KDM5B: variants seen among roughly 807,000 people sequenced by gnomAD.
KDM5B encodes the protein lysine demethylase 5B, also known as lysine-specific demethylase 5B.
In KDM5B, 144 loss-of-function variants were observed where a neutral mutation model predicts 193.4. The observed-to-expected ratio is 0.74, with a 90% CI of 0.65 to 0.86. KDM5B has a LOEUF of 0.86. KDM5B is among the 40% of genes least tolerant of loss of function. The probability of loss-of-function intolerance (pLI) is 0.00; values close to 1 mark genes in which losing one functional copy is unlikely to be tolerated. For synonymous variants in KDM5B, 668 were observed against 682.6 expected (o/e 0.98, Z 0.33); for missense variants, 1,833 against 1,886.9 (o/e 0.97, Z 0.53).
chr1:202,785,570 G>A (rs1657375534), intron 1 of KDM5B, among the ~76,000 whole-genome samples: 1 of 143,216 alleles, frequency 7.0e-6, no homozygotes, highest in African/African-American at 2.5e-5. Context: ...AAATAATACA[G>A]GTAGAACCCT....
At chr1:202,791,047 T>G (rs961704885) in intron 1 of KDM5B, among the ~76,000 whole-genome samples, 22 of 152,338 alleles carry the variant, frequency 1.4e-4, no homozygotes, top group Admixed American at 4.6e-4. Context: ...TACATAGGCA[T>G]GCTCAATTTA....
rs1319658980 is a variant in KDM5B at position 202,724,675 on chromosome 1, A to G, written c.*4361T>C. On this transcript the variant is annotated 3_prime_UTR_variant, in exon 27 of 27. Transcript: ENST00000367265. ...AGGTTAAATATATCTTTCTCATCCA[A>G]TAATTTAACTTTTTTATTAACTGTT... is the stretch of plus-strand genomic sequence containing the variant. The G allele has an allele frequency of 6.6e-6, 1 of 152,202 alleles. No individual in the cohort carries two copies. The highest frequency in any genetic ancestry group is 1.5e-5 in the Non-Finnish European group (1 of 68,040). 9.4% of individuals were successfully genotyped at this position (152,202 alleles called of 1,614,324 possible). A position where few individuals can be genotyped will look rare whatever the true frequency, so the allele number is the denominator to read the frequency against.
At position 202,724,746 on chromosome 1, in the gene KDM5B, TTGTGTGTGTGTG is replaced by T. The variant is rs61270918; in HGVS notation, c.*4278_*4289del. 1.3e-5 allele frequency: 2 copies of T among 150,656 alleles called. No homozygotes were observed. The highest frequency in any genetic ancestry group is 4.8e-5 in the African/African-American group (2 of 41,268). The allele number at this position is 150,656 out of a possible 1,614,324, so 9.3% of individuals were successfully genotyped here. ...ACACAGAAGGGGCTTGTGTGTGTGT[TTGTGTGTGTGTG>T]TGTGTTCACAGCAGAATCACAGTCA... On this transcript the variant is annotated 3_prime_UTR_variant, in exon 27 of 27. Coordinates refer to ENST00000367265, the MANE Select transcript of KDM5B (RefSeq NM_006618.5).
chr1:202,735,905 A>G (rs1655074874), intron 21 of KDM5B, among the ~76,000 whole-genome samples: 1 of 152,216 alleles, frequency 6.6e-6, no homozygotes, highest in East Asian at 1.9e-4. Context: ...AATGGGGGAG[A>G]TCATTTATCA....
Position 202,728,907 on chromosome 1 carries a change from A to C in KDM5B, c.*129T>G. The C allele has an allele frequency of 9.8e-7, 1 of 1,023,148 alleles. No homozygotes were observed. The highest frequency in any genetic ancestry group is 1.4e-6 in the Non-Finnish European group (1 of 704,580). The allele number at this position is 1,023,148 out of a possible 1,614,324, so 63.4% of individuals were successfully genotyped here. A position where few individuals can be genotyped will look rare whatever the true frequency, so the allele number is the denominator to read the frequency against. On this transcript the variant is annotated 3_prime_UTR_variant, in exon 27 of 27. Transcript: ENST00000367265. The stretch of plus-strand genomic sequence containing the variant: ...AGAGTCCTGGAAAAATGATCCCATA[A>C]GGAATAGAAATAGCACCGTTTACAG...
intron 1 of KDM5B, among the ~76,000 whole-genome samples, chr1:202,783,512 C>A (rs958677847): frequency 6.6e-6 from 1 of 151,020 alleles, no homozygotes; most frequent in African/African-American, 2.4e-5. Flanking sequence ...CAAAAAAAAA[C>A]AAAAACAAAC....
chr1:202,758,303 T>C (rs1009869579), intron 9 of KDM5B, 88 bp downstream of exon 9: 13 of 1,057,458 alleles, frequency 1.2e-5, no homozygotes, highest in African/African-American at 1.6e-5. Context: ...CCTACTAGAG[T>C]GAGGCCTCAA....
Position 202,742,687 on chromosome 1 carries a change from C to A in KDM5B, c.2442G>T (p.Ala814=). The change falls in exon 17 of 27, where the codon GCG becomes GCT. Residue 814 remains alanine (A), a synonymous_variant. Coordinates refer to ENST00000367265, the MANE Select transcript of KDM5B (RefSeq NM_006618.5). ...GCCTTTTGCCATTAAGCAACTGCTG[C>A]GCAACAGAGGCACACTTCTCTGCAT... is the stretch of plus-strand genomic sequence containing the variant. The part of the protein sequence containing the change: ...TQDAEKCASV[A]QQLLNGKRQT... 3 of 1,614,002 alleles carry A rather than the reference C, an allele frequency of 1.9e-6. No individual in the cohort carries two copies. The highest frequency in any genetic ancestry group is 1.7e-6 in the Non-Finnish European group (2 of 1,180,022).
chr1:202,793,002 CAAAA>C (rs35356889), intron 1 of KDM5B, among the ~76,000 whole-genome samples: 4 of 111,916 alleles, frequency 3.6e-5, no homozygotes, highest in Admixed American at 8.5e-5. Context: ...GACTCCCTCT[CAAAA>C]AAAAAAAAAA....
At position 202,773,102 on chromosome 1, in the gene KDM5B, T is replaced by A; in HGVS notation, c.576+16A>T. The A allele has an allele frequency of 6.3e-7, 1 of 1,578,604 alleles. No homozygotes were observed. The highest frequency in any genetic ancestry group is 8.7e-7 in the Non-Finnish European group (1 of 1,150,104). Reference sequence around the variant, plus strand: ...GTAGTAAGATAAAACAGGTTAAGGCTAGCCCCCAAACTTACCCTTAGGCTG... The same window carrying A: ...GTAGTAAGATAAAACAGGTTAAGGCAAGCCCCCAAACTTACCCTTAGGCTG... On this transcript the variant is annotated intron_variant, in intron 4 of 26. Coordinates refer to ENST00000367265, the MANE Select transcript of KDM5B (RefSeq NM_006618.5).
At chr1:202,740,867 T>G in intron 19 of KDM5B, 55 bp from the exon 20 acceptor site, 1 of 1,523,812 alleles carries the variant, frequency 6.6e-7, no homozygotes, top group Non-Finnish European at 8.9e-7. Flanking sequence ...TCATTTTTCT[T>G]ATGGTTACCA....
intron 7 of KDM5B, among the ~76,000 whole-genome samples, 160 bp downstream of exon 7, chr1:202,762,539 A>G (rs1656293273): frequency 6.6e-6 from 1 of 152,214 alleles, no homozygotes; most frequent in Non-Finnish European, 1.5e-5. Flanking sequence ...AACTAACACT[A>G]TAAACTGACT....
rs1450006803 is a variant in KDM5B, at chr1:202,756,365, T to G, written c.1349A>C (p.Glu450Ala). 3 of 1,607,864 alleles carry G rather than the reference T, an allele frequency of 1.9e-6. No homozygotes were observed. Residue 450 changes from glutamate to alanine, a missense_variant, in exon 10 of 27, where the codon GAG becomes GCG. Around this residue, in one of 3 missense-constraint regions of KDM5B, gnomAD observed 1,379 missense variants for 1,349.6 expected, o/e 1.02. Coordinates refer to ENST00000367265, the MANE Select transcript of KDM5B (RefSeq NM_006618.5). ...AGCCACTTATATGCCTACCTCTTCC[T>G]CAGGTGAGAGTTTGATTTTCCCATC... is the stretch of plus-strand genomic sequence containing the variant. The part of the protein sequence containing the change: ...VRDGKIKLSP[E>A]EEEYLDSGWN...
In KDM5B at chr1:202,727,596, A is replaced by T. The variant is rs1654718954; in HGVS notation, c.*1440T>A. The T allele has an allele frequency of 2.0e-5, 3 of 152,704 alleles. No individual in the cohort carries two copies. The highest frequency in any genetic ancestry group is 7.2e-5 in the African/African-American group (3 of 41,454). The allele number at this position is 152,704 out of a possible 1,614,324, so 9.5% of individuals were successfully genotyped here. The stretch of plus-strand genomic sequence containing the variant: ...AACAGAATAGGAAAAGGTAAGCAAA[A>T]GTCTGGTCACCAGAATGTCTTCTCC... On this transcript the variant is annotated 3_prime_UTR_variant, in exon 27 of 27. Transcript: ENST00000367265.
rs1572713181 is a variant in KDM5B, at chr1:202,740,617, C to G, written c.3084+57G>C. ...CCCACCTCCCTCCCGGACGGGGCGC[C>G]AATATTGCTCTTTATGGATGCACTT... is the stretch of plus-strand genomic sequence containing the variant. On this transcript the variant is annotated intron_variant, in intron 20 of 26. Transcript: ENST00000367265. 11 of 1,511,842 alleles carry G rather than the reference C, an allele frequency of 7.3e-6. No individual in the cohort carries two copies. The East Asian group carries it at 2.6e-4, about 36-fold the overall frequency. 93.7% of individuals were successfully genotyped at this position (1,511,842 alleles called of 1,614,324 possible).
chr1:202,803,718 C>A (rs916663252), intron 1 of KDM5B, among the ~76,000 whole-genome samples: 7 of 151,872 alleles, frequency 4.6e-5, no homozygotes, highest in African/African-American at 1.7e-4. Context: ...ACTCAGGAGG[C>A]TGAGGCAGGA....
At chr1:202,772,133 TCCTA>T (rs1467236318) in intron 4 of KDM5B, among the ~76,000 whole-genome samples, 6 of 152,124 alleles carry the variant, frequency 3.9e-5, no homozygotes, top group Non-Finnish European at 8.8e-5. Context: ...GTTATTCTCT[TCCTA>T]CCTCTCTACA....
In KDM5B at chr1:202,808,326, C is replaced by A; in HGVS notation, c.-21G>T. 1.3e-6 allele frequency: 2 copies of A among 1,559,412 alleles called. No individual in the cohort carries two copies. Among genetic ancestry groups the A allele is most frequent in the Non-Finnish European group, 1.7e-6 (2 of 1,155,816 alleles). On this transcript the variant is annotated 5_prime_UTR_variant, in exon 1 of 27. Coordinates refer to ENST00000367265, the MANE Select transcript of KDM5B (RefSeq NM_006618.5). ...TCCATCACCGCAGGCTGGGCAAGGG[C>A]GAGGCGAAGGTGGGCTCCGGGACCG...
chr1:202,777,069 T>G lies in KDM5B; in HGVS notation c.230A>C (p.Asp77Ala). ...PPDWQPPFAC[D>A]VDKLHFTPRI... ...TGGCGTAAAATGAAGTTTATCAACA[T>G]CACATGCAAATGGTGGCTGCCAATC... The change falls in exon 2 of 27, where the codon GAT (aspartate) becomes GCT (alanine). Residue 77 changes from aspartate (D) to alanine (A), a missense_variant. Coordinates refer to ENST00000367265, the MANE Select transcript of KDM5B (RefSeq NM_006618.5). 6.2e-7 allele frequency: 1 copy of G among 1,613,554 alleles called. No individual in the cohort carries two copies. The highest frequency in any genetic ancestry group is 8.5e-7 in the Non-Finnish European group (1 of 1,179,522).
Sources: gnomAD v4.1 joint callset for allele counts (sites outside exome capture counted in the v4.1 genomes callset) on GRCh38, gnomAD v4.1.1 for gene constraint, gnomAD v4.1.1 regional missense constraint, MANE v1.5 for transcripts, NCBI Gene and HGNC (gene_info 2026-07-23, HGNC 2026-07-21) for gene names.